Variants in LSR observed in about 807,000 individuals in gnomAD.
The protein encoded by LSR is lipolysis stimulated lipoprotein receptor.
In LSR, 44 loss-of-function variants were observed where a neutral mutation model predicts 61.8. The observed-to-expected ratio is 0.71, with a 90% CI of 0.56 to 0.91. The LOEUF (loss-of-function observed/expected upper bound fraction) is 0.91. LSR is among the 40% of genes least tolerant of loss of function. The pLI, the probability that LSR is intolerant of heterozygous loss-of-function variation, is 0.00. For missense variants in LSR, 911 were observed against 830.5 expected, an observed-to-expected ratio of 1.10 and a Z score of -1.19; for synonymous variants, 397 against 350.6, an observed-to-expected ratio of 1.13 and a Z score of -1.48.
chr19:35,249,165 G>C, intron 1 of LSR, 34 bp downstream of exon 1: 1 of 1,515,862 alleles, frequency 6.6e-7, no homozygotes, highest in Non-Finnish European at 8.8e-7. Flanking sequence ...GCTGCGGAAC[G>C]CCGGAGGGAA....
chr19:35,267,390 A>G lies in LSR; in HGVS notation c.1426A>G (p.Met476Val), dbSNP rs377051575. 14 of 1,605,454 alleles carry G rather than the reference A, an allele frequency of 8.7e-6. No homozygotes were observed. Among genetic ancestry groups the G allele is most frequent in the Middle Eastern group, 1.7e-4 (1 of 6,050 alleles). The change falls in exon 9 of 10, where the codon ATG becomes GTG. Residue 476 changes from methionine (M) to valine (V), a missense_variant. Coordinates refer to ENST00000605618, the MANE Select transcript of LSR (RefSeq NM_205834.4). ...TAATGGTGGGAGAAGCCGGGCCTACATGCCCCCGCGGAGCCGCAGCCGGGA... is the reference window on the plus strand; with the variant it reads ...TAATGGTGGGAGAAGCCGGGCCTACGTGCCCCCGCGGAGCCGCAGCCGGGA... ...TSNGGRSRAY[M>V]PPRSRSRDDL... is the part of the protein sequence containing the mutation.
chr19:35,249,011 C>T lies in LSR; in HGVS notation c.-12C>T, dbSNP rs1444836745. On this transcript the variant is annotated 5_prime_UTR_variant, in exon 1 of 10. Coordinates refer to ENST00000605618, the MANE Select transcript of LSR (RefSeq NM_205834.4). ...AAGGGACGCGCGGGCCAGACGCGCC[C>T]AGACGGCCGCGATGGCGCTGTTGGC... 5 of 1,608,610 alleles carry T rather than the reference C, an allele frequency of 3.1e-6. No individual in the cohort carries two copies. The highest frequency in any genetic ancestry group is 2.7e-5 in the African/African-American group (2 of 74,880).
intron 3 of LSR, among the ~76,000 whole-genome samples, chr19:35,260,022 A>G (rs1333951345): frequency 1.3e-5 from 2 of 152,132 alleles, no homozygotes; most frequent in African/African-American, 2.4e-5. Flanking sequence ...CCATCTTCAC[A>G]TGTGTGAATG....
intron 1 of LSR, among the ~76,000 whole-genome samples, chr19:35,250,104 A>T (rs1034609999): frequency 6.6e-6 from 1 of 152,030 alleles, no homozygotes; most frequent in Admixed American, 6.5e-5. Flanking sequence ...TGGCCGTGTC[A>T]CCGTGCACCT....
Position 35,267,508 on chromosome 19 carries a change from A to T in LSR, c.1544A>T (p.Asp515Val), listed in dbSNP as rs1252361281. 6.2e-7 allele frequency: 1 copy of T among 1,610,960 alleles called. No individual in the cohort carries two copies. The highest frequency in any genetic ancestry group is 1.3e-5 in the African/African-American group (1 of 74,782). ...DFRSRERPPADPRSHHHRTRD... is the reference protein window; with the variant it reads ...DFRSRERPPAVPRSHHHRTRD... ...AGGTCTCGGGAGCGCCCTCCTGCCG[A>T]CCCCAGGTCCCACCACCACCGTACC... Residue 515 changes from aspartate to valine, a missense_variant, in exon 9 of 10, where the codon GAC (aspartate) becomes GTC (valine). Coordinates refer to ENST00000605618, the MANE Select transcript of LSR (RefSeq NM_205834.4).
Position 35,250,668 on chromosome 19 carries a change from G to A in LSR, c.454+9G>A. 5.8e-6 allele frequency: 9 copies of A among 1,543,342 alleles called. No individual in the cohort carries two copies. The highest frequency in any genetic ancestry group is 7.9e-6 in the Non-Finnish European group (9 of 1,137,556). ...GATTACCATCACCGGAAGTATGTTG[G>A]GCAGGGCAGGGGGATGAGGCTGGGC... On this transcript the variant is annotated intron_variant, in intron 2 of 9. Coordinates refer to ENST00000605618, the MANE Select transcript of LSR (RefSeq NM_205834.4).
intron 5 of LSR, among the ~76,000 whole-genome samples, chr19:35,263,266 G>A (rs2065954125): frequency 6.6e-6 from 1 of 151,564 alleles, no homozygotes; most frequent in African/African-American, 2.4e-5. Flanking sequence ...GGGCGACAGA[G>A]TGAGACTCTG....
intron 3 of LSR, 57 bp downstream of exon 3, chr19:35,259,121 GTCTGCCCTCCCCTGTGTCCGCCC>G (rs2065892962): frequency 7.6e-6 from 12 of 1,578,724 alleles, no homozygotes; most frequent in Admixed American, 3.4e-5. Flanking sequence ...CTTCTGTTCT[GTCTGCCCTCCCCTGTGTCCGCCC>G]TCTGCCCTCC....
intron 2 of LSR, among the ~76,000 whole-genome samples, chr19:35,254,638 C>T (rs114250588): frequency 0.01 from 1,577 of 152,228 alleles, 22 homozygotes; most frequent in African/African-American, 0.036. Context: ...GTCACCTTTG[C>T]GGTGTATAAA....
At chr19:35,260,291 C>CTTTTTTTTTTT (rs66534837) in intron 3 of LSR, among the ~76,000 whole-genome samples, 1 of 114,004 alleles carries the variant, frequency 8.8e-6, no homozygotes. Context: ...GGAGATTTTC[C>CTTTTTTTTTTT]TTTTTTTTTT....
chr19:35,266,550 AG>A lies in LSR; in HGVS notation c.952+20del, dbSNP rs770834401. On this transcript the variant is annotated intron_variant, in intron 6 of 9. Coordinates refer to ENST00000605618, the MANE Select transcript of LSR (RefSeq NM_205834.4). ...TAGCTCAGGTGAGGCCGGGGGAAGC[AG>A]GAACAGCTGGTGGGAGTGTGCTGGG... 2.2e-4 allele frequency: 344 copies of A among 1,598,006 alleles called. No homozygotes were observed. The highest frequency in any genetic ancestry group is 2.8e-4 in the Non-Finnish European group (333 of 1,169,656).
At chr19:35,250,015 A>G (rs534108326) in intron 1 of LSR, among the ~76,000 whole-genome samples, 1 of 152,214 alleles carries the variant, frequency 6.6e-6, no homozygotes, top group South Asian at 2.1e-4. Flanking sequence ...TTGTGGGTGA[A>G]TGGCAAAGGG....
intron 5 of LSR, chr19:35,264,142 A>ACATACC (rs1419894407): frequency 6.6e-6 from 1 of 152,170 alleles, no homozygotes; most frequent in East Asian, 1.9e-4. Flanking sequence ...GTTTGAAAAC[A>ACATACC]CATACCCACA....
chr19:35,258,459 A>C (rs12972267), intron 2 of LSR, among the ~76,000 whole-genome samples: 29,358 of 94,160 alleles, frequency 0.31, 3,169 homozygotes, highest in Non-Finnish European at 0.44. Context: ...TTCAAACAAA[A>C]AAAAAAAAAA....
At position 35,267,912 on chromosome 19, in the gene LSR, C is replaced by G. The variant is rs919666645; in HGVS notation, c.*53C>G. The stretch of plus-strand genomic sequence containing the variant: ...TTTTTTTTTTTAATTTGAAGGAACA[C>G]TGATGAAGCCCTGCCATACCCCTCC... On this transcript the variant is annotated 3_prime_UTR_variant, in exon 10 of 10. Coordinates refer to ENST00000605618, the MANE Select transcript of LSR (RefSeq NM_205834.4). 1.3e-6 allele frequency: 2 copies of G among 1,579,032 alleles called. No individual in the cohort carries two copies. The highest frequency in any genetic ancestry group is 1.7e-6 in the Non-Finnish European group (2 of 1,149,500).
chr19:35,250,298 TCTC>T lies in LSR; in HGVS notation c.110-13_110-11del. 2 of 1,506,310 alleles carry T rather than the reference TCTC, an allele frequency of 1.3e-6. No individual in the cohort carries two copies. Among genetic ancestry groups the T allele is most frequent in the African/African-American group, 2.8e-5 (2 of 72,076 alleles). 93.3% of individuals were successfully genotyped at this position (1,506,310 alleles called of 1,614,324 possible). ...TGAGCTCACAGCAACCCTTGCTGTC[TCTC>T]CTCTTGCCCTCAGCTCCTGCCAGGG... On this transcript the variant is annotated splice_polypyrimidine_tract_variant and intron_variant, in intron 1 of 9. Transcript: ENST00000605618.
At position 35,266,386 on chromosome 19, in the gene LSR, C is replaced by T. The variant is rs2065998735; in HGVS notation, c.806C>T (p.Ser269Leu). ...ALYAAGKAAT[S>L]GVPSIYAPST... The stretch of plus-strand genomic sequence containing the variant: ...TATGCCGCCGGCAAAGCAGCCACCT[C>T]AGGTGTTCCCAGCATTTATGCCCCC... The change falls in exon 6 of 10, where the codon TCA (serine) becomes TTA (leucine). Residue 269 changes from serine (S) to leucine (L), a missense_variant. By Grantham distance (145) the Ser-to-Leu change is moderately radical (BLOSUM62 -2). Transcript: ENST00000605618. The T allele has an allele frequency of 6.3e-7, 1 of 1,597,860 alleles. No individual in the cohort carries two copies. The highest frequency in any genetic ancestry group is 1.8e-5 in the Admixed American group (1 of 57,104).
Position 35,250,658 on chromosome 19 carries a change from A to G in LSR, c.453A>G (p.Gly151=). The G allele has an allele frequency of 6.4e-7, 1 of 1,552,234 alleles. No individual in the cohort carries two copies. The highest frequency in any genetic ancestry group is 8.8e-7 in the Non-Finnish European group (1 of 1,141,868). ...AGGGCCGGAGGATTACCATCACCGG[A>G]AGTATGTTGGGCAGGGCAGGGGGAT... ...YYQGRRITIT[G]NADLTFDQTA... is the part of the protein sequence containing the mutation. Residue 151 remains glycine, a splice_region_variant and synonymous_variant, in exon 2 of 10, where the codon GGA becomes GGG. Transcript: ENST00000605618.
chr19:35,261,816 C>T (rs1034527463), intron 3 of LSR, 109 bp from the exon 4 acceptor site: 11 of 661,498 alleles, frequency 1.7e-5, no homozygotes, highest in Admixed American at 1.3e-4. Flanking sequence ...AGCCCCTTCC[C>T]GCTTCAGGGC....
Sources: gnomAD v4.1 joint callset for allele counts (sites outside exome capture counted in the v4.1 genomes callset) on GRCh38, gnomAD v4.1.1 for gene constraint, MANE v1.5 for transcripts, NCBI Gene and HGNC (gene_info 2026-07-23, HGNC 2026-07-21) for gene names.